The following TRPM3 variants were observed in gnomAD, a reference collection of about 807,000 sequenced individuals.
The protein encoded by TRPM3 is long transient receptor potential channel 3.
In TRPM3, 77 loss-of-function variants were observed where a neutral mutation model predicts 181.2. The ratio of observed to expected loss-of-function variants is 0.42; its 90% CI spans 0.35 to 0.51. The LOEUF is 0.51. Ranked by LOEUF, TRPM3 falls within the 20% of genes least tolerant of loss-of-function variation. The probability of loss-of-function intolerance (pLI) is 0.01; values close to 1 mark genes in which losing one functional copy is unlikely to be tolerated. For synonymous variants in TRPM3, 745 were observed against 796.4 expected, an observed-to-expected ratio of 0.94 and a Z score of 1.09; for missense variants, 1,759 against 2,196.7, an observed-to-expected ratio of 0.80 and a Z score of 3.98.
intron 1 of TRPM3, among the ~76,000 whole-genome samples, chr9:70,885,771 G>A (rs2096073280): frequency 1.3e-5 from 2 of 151,974 alleles, no homozygotes; most frequent in Admixed American, 1.3e-4. Context: ...GTTTACTTCT[G>A]CTTTTGTCTA....
chr9:71,231,674 T>A (rs72733853), intron 1 of TRPM3, among the ~76,000 whole-genome samples: 8,188 of 152,240 alleles, frequency 0.054, 245 homozygotes, highest in East Asian at 0.11. Context: ...TAAATTAACA[T>A]AGCAACAGAA....
At chr9:70,566,299 T>C (rs1042308684) in intron 22 of TRPM3, among the ~76,000 whole-genome samples, 5 of 151,944 alleles carry the variant, frequency 3.3e-5, no homozygotes, top group African/African-American at 1.2e-4. Flanking sequence ...ATGAGGGAGT[T>C]GGCTAAGTGG....
chr9:71,109,760 C>A (rs1279374610), intron 1 of TRPM3, among the ~76,000 whole-genome samples: 1 of 152,018 alleles, frequency 6.6e-6, no homozygotes, highest in Non-Finnish European at 1.5e-5. Flanking sequence ...CAGAGGACTG[C>A]AGGGAAGGAG....
chr9:71,099,981 G>A (rs73480148), intron 1 of TRPM3, among the ~76,000 whole-genome samples: 2,265 of 152,180 alleles, frequency 0.015, 21 homozygotes, highest in Middle Eastern at 0.024. Context: ...ACAGTGTGCT[G>A]TAGTCTCTTA....
chr9:71,083,726 AC>A (rs1427928571), intron 1 of TRPM3, among the ~76,000 whole-genome samples: 1 of 151,278 alleles, frequency 6.6e-6, no homozygotes, highest in Non-Finnish European at 1.5e-5. Context: ...ACACACACAC[AC>A]ACACACACAC....
At chr9:71,416,663 A>AT (rs2131497709) in intron 1 of TRPM3, among the ~76,000 whole-genome samples, 1 of 152,104 alleles carries the variant, frequency 6.6e-6, no homozygotes, top group African/African-American at 2.4e-5. Context: ...ACAAAATAAG[A>AT]TTTTTAAGGG....
intron 1 of TRPM3, among the ~76,000 whole-genome samples, chr9:70,885,053 CT>C (rs1255350177): frequency 1.3e-5 from 2 of 152,176 alleles, no homozygotes; most frequent in African/African-American, 2.4e-5. Flanking sequence ...GCCCAACCCC[CT>C]GTTGCTGCCT....
At chr9:70,893,162 T>C (rs1168781852) in intron 1 of TRPM3, among the ~76,000 whole-genome samples, 1 of 152,192 alleles carries the variant, frequency 6.6e-6, no homozygotes, top group Admixed American at 6.5e-5. Context: ...ACACCAATAA[T>C]GCTTTTTCTA....
At chr9:70,783,745 C>G (rs548371196) in intron 7 of TRPM3, 2 of 665,774 alleles carry the variant, frequency 3.0e-6, no homozygotes, top group African/African-American at 2.0e-5. Context: ...CCTGAACCAT[C>G]TGGTACAGAC....
rs1554753084 is a variant in TRPM3 at position 70,864,538 on chromosome 9, A to AAG, written c.178-28_178-27insCT. On this transcript the variant is annotated intron_variant, in intron 1 of 25. Coordinates refer to ENST00000677713, the MANE Select transcript of TRPM3 (RefSeq NM_001366145.2). ...TGAAAAAGAAAACAAAAAAAAAAAA[A>AAG]AAAGAAAAAAGAAAGAAAGGTGAAC... 3.6e-4 allele frequency: 521 copies of AAG among 1,433,576 alleles called. 1 individual carries two copies. The highest frequency in any genetic ancestry group is 4.2e-4 in the Non-Finnish European group (452 of 1,085,740). 88.8% of individuals were successfully genotyped at this position (1,433,576 alleles called of 1,614,324 possible). A position where few individuals can be genotyped will look rare whatever the true frequency, so the allele number is the denominator to read the frequency against.
intron 6 of TRPM3, among the ~76,000 whole-genome samples, chr9:70,805,682 A>AC (rs1224175991): frequency 1.2e-4 from 19 of 152,300 alleles, no homozygotes; most frequent in Admixed American, 1.1e-3. Context: ...TAATTCATAC[A>AC]CCCTATAAGA....
At position 70,639,197 on chromosome 9, in the gene TRPM3, G is replaced by T; in HGVS notation, c.1447-3C>A. ...ATGGCTTGCTCCAGAGATCCCACCT[G>T]CAAACCAAGTCACTGAGTTAGTCTG... is the stretch of plus-strand genomic sequence containing the variant. On this transcript the variant is annotated splice_polypyrimidine_tract_variant and splice_region_variant and intron_variant, in intron 10 of 25. Coordinates refer to ENST00000677713, the MANE Select transcript of TRPM3 (RefSeq NM_001366145.2). The T allele has an allele frequency of 6.2e-7, 1 of 1,613,484 alleles. No homozygotes were observed. Among genetic ancestry groups the T allele is most frequent in the Non-Finnish European group, 8.5e-7 (1 of 1,179,766 alleles).
chr9:71,418,940 ATG>A (rs1016019928), intron 1 of TRPM3, among the ~76,000 whole-genome samples: 1 of 148,434 alleles, frequency 6.7e-6, no homozygotes, highest in Non-Finnish European at 1.5e-5. Context: ...ATATATATAT[ATG>A]TATTATATAT....
At chr9:71,351,691 T>C (rs956291622) in intron 1 of TRPM3, among the ~76,000 whole-genome samples, 4 of 152,156 alleles carry the variant, frequency 2.6e-5, no homozygotes, top group African/African-American at 9.7e-5. Context: ...ATGATTTACA[T>C]AACATTTTAA....
intron 1 of TRPM3, among the ~76,000 whole-genome samples, chr9:71,141,022 C>T (rs1256835010): frequency 2.0e-5 from 3 of 152,104 alleles, no homozygotes; most frequent in Admixed American, 1.3e-4. Context: ...TGTGTTCATT[C>T]ATGTTGAACT....
At chr9:70,974,863 A>ATTTTTTTTTTTTTTTTTTTTTTTTTTT (rs1177545043) in intron 1 of TRPM3, among the ~76,000 whole-genome samples, 2 of 117,980 alleles carry the variant, frequency 1.7e-5, no homozygotes, top group Non-Finnish European at 3.4e-5. Flanking sequence ...TGGAACATCA[A>ATTTTTTTTTTTTTTTTTTTTTTTTTTT]TTTTTTTTTT....
At chr9:71,058,251 T>C (rs901168704) in intron 1 of TRPM3, among the ~76,000 whole-genome samples, 2 of 152,076 alleles carry the variant, frequency 1.3e-5, no homozygotes, top group African/African-American at 2.4e-5. Context: ...GGTTGCATAC[T>C]ATAAGCCTGC....
chr9:71,199,142 T>A lies in TRPM3; in HGVS notation c.183+247511A>T, dbSNP rs922724588. ...TCTATTGAGATAATCATGTGGTTTT[T>A]GTCTTTGGTTCTGTTTATATGCTGG... On this transcript the variant is annotated intron_variant, in intron 1 of 24. Transcript: ENST00000357533. 6.8e-3 allele frequency among the ~76,000 whole-genome samples: 1,031 copies of A among 151,616 alleles called. 6 individuals are homozygous for A. Among genetic ancestry groups the A allele is most frequent in the Middle Eastern group, 0.048 (14 of 294 alleles).
At chr9:71,039,833 T>C (rs1235779354) in intron 1 of TRPM3, among the ~76,000 whole-genome samples, 1 of 152,214 alleles carries the variant, frequency 6.6e-6, no homozygotes, top group Non-Finnish European at 1.5e-5. Context: ...TGTATCATTG[T>C]ATGCTATAGT....
Sources: gnomAD v4.1 joint callset for allele counts (sites outside exome capture counted in the v4.1 genomes callset) on GRCh38, gnomAD v4.1.1 for gene constraint, MANE v1.5 for transcripts, NCBI Gene and HGNC (gene_info 2026-07-23, HGNC 2026-07-21) for gene names.